The following SEC24B variants were observed in gnomAD, a reference collection of about 807,000 sequenced individuals.
SEC24B encodes protein transport protein Sec24B.
A neutral mutation model predicts 142.8 loss-of-function variants in SEC24B; 45 were observed. The observed-to-expected ratio is 0.32, with a 90% CI of 0.25 to 0.40. The LOEUF is 0.40. SEC24B is among the 10% of genes least tolerant of loss of function. The pLI is 1.00. For missense variants in SEC24B, 1,409 were observed against 1,526.8 expected (o/e 0.92, Z 1.29); for synonymous variants, 574 against 568.2 (o/e 1.01, Z -0.15).
chr4:109,537,369 A>G (rs1351236030), intron 22 of SEC24B, among the ~76,000 whole-genome samples: 1 of 152,234 alleles, frequency 6.6e-6, no homozygotes, highest in Admixed American at 6.5e-5. Context: ...GTTCTTTATG[A>G]CACGGTAAAT....
chr4:109,477,140 TAAAAAAAAAAAAAAA>T (rs759331468), intron 3 of SEC24B, among the ~76,000 whole-genome samples: 3 of 55,884 alleles, frequency 5.4e-5, no homozygotes, highest in African/African-American at 1.3e-4. Context: ...CCGTCTCAAA[TAAAAAAAAAAAAAAA>T]AAAAAAAAAA....
At chr4:109,513,248 A>G (rs1737562319) in intron 9 of SEC24B, among the ~76,000 whole-genome samples, 1 of 146,766 alleles carries the variant, frequency 6.8e-6, no homozygotes, top group South Asian at 2.2e-4. Context: ...TGCTGGGATT[A>G]TAGGTGTGAG....
chr4:109,510,714 T>A (rs2126046573), intron 8 of SEC24B, among the ~76,000 whole-genome samples: 1 of 152,366 alleles, frequency 6.6e-6, no homozygotes, highest in Middle Eastern at 3.4e-3. Context: ...CTTGTAAAGT[T>A]TTAAAAGTTT....
chr4:109,453,173 A>G (rs995675963), intron 1 of SEC24B, among the ~76,000 whole-genome samples: 13 of 152,222 alleles, frequency 8.5e-5, no homozygotes, highest in African/African-American at 3.1e-4. Flanking sequence ...AAGGGCAACA[A>G]AAGATCACAA....
chr4:109,535,575 G>A (rs1045200465), intron 22 of SEC24B, among the ~76,000 whole-genome samples: 11 of 150,534 alleles, frequency 7.3e-5, no homozygotes, highest in Middle Eastern at 3.6e-3. Flanking sequence ...GTGGCTGGGC[G>A]CGGTGGCTCA....
At chr4:109,511,627 G>A (rs1737340336) in intron 8 of SEC24B, among the ~76,000 whole-genome samples, 1 of 152,134 alleles carries the variant, frequency 6.6e-6, no homozygotes, top group African/African-American at 2.4e-5. Flanking sequence ...AGTACCACGT[G>A]CAGTCAACAA....
intron 1 of SEC24B, among the ~76,000 whole-genome samples, chr4:109,447,618 A>G (rs1291554954): frequency 6.6e-6 from 1 of 151,072 alleles, no homozygotes; most frequent in Non-Finnish European, 1.5e-5. Flanking sequence ...TATTGATCAA[A>G]TGTTGGCAGA....
rs1737638466 is a variant in SEC24B, at chr4:109,513,781, A to G, written c.1938A>G (p.Arg646=). The G allele has an allele frequency of 6.2e-7, 1 of 1,613,084 alleles. No homozygotes were observed. The highest frequency in any genetic ancestry group is 1.7e-5 in the Admixed American group (1 of 59,994). The change falls in exon 10 of 24, where the codon CGA becomes CGG. Residue 646 remains arginine (R), a synonymous_variant. Coordinates refer to ENST00000265175, the MANE Select transcript of SEC24B (RefSeq NM_006323.5). ...PEEFMYNPLT[R]SYGEPHKRPE... is the part of the protein sequence containing the mutation. Reference sequence around the variant, plus strand: ...AATTTATGTATAACCCCCTTACCCGATCTTATGGAGAGCCTCATAAACGAC... The same window carrying G: ...AATTTATGTATAACCCCCTTACCCGGTCTTATGGAGAGCCTCATAAACGAC...
chr4:109,528,447 A>G (rs1328729525), intron 18 of SEC24B, among the ~76,000 whole-genome samples: 1 of 149,860 alleles, frequency 6.7e-6, no homozygotes, highest in African/African-American at 2.5e-5. Context: ...AAAAAAAAAA[A>G]GCTACATACA....
Position 109,473,164 on chromosome 4 carries a change from A to T in SEC24B, c.1038A>T (p.Pro346=), listed in dbSNP as rs2125961645. ...PVEPVTSVTQ[P]SELLQQKGVQ... is the part of the protein sequence containing the mutation. ...AGCCTGTGACCTCAGTTACACAGCC[A>T]TCAGAGCTATTACAACAAAAAGGTA... is the stretch of plus-strand genomic sequence containing the variant. The change falls in exon 3 of 24, where the codon CCA becomes CCT. Residue 346 remains proline, a synonymous_variant. Coordinates refer to ENST00000265175, the MANE Select transcript of SEC24B (RefSeq NM_006323.5). 1 of 1,579,474 alleles carries T rather than the reference A, an allele frequency of 6.3e-7. No homozygotes were observed. The highest frequency in any genetic ancestry group is 2.3e-5 in the East Asian group (1 of 42,670).
chr4:109,476,913 G>A (rs970331171), intron 3 of SEC24B, among the ~76,000 whole-genome samples: 2 of 151,840 alleles, frequency 1.3e-5, no homozygotes, highest in African/African-American at 4.8e-5. Context: ...CGAGGCGGGC[G>A]GATCACGAGG....
chr4:109,446,716 G>A (rs572674072), intron 1 of SEC24B, among the ~76,000 whole-genome samples: 1 of 152,158 alleles, frequency 6.6e-6, no homozygotes, highest in Admixed American at 6.5e-5. Context: ...TTGTATTATG[G>A]TATAAATTAT....
rs1223287030 is a variant in SEC24B, at chr4:109,531,501, G to A, written c.3369G>A (p.Arg1123=). The part of the protein sequence containing the change: ...LMKMIHPNLY[R]IDRLTDEGAV... ...AAATGATTCATCCCAACTTATACAG[G>A]ATAGACAGATTGACAGATGAGGTAT... Residue 1123 remains arginine (R), a synonymous_variant, in exon 20 of 24, where the codon AGG becomes AGA. Coordinates refer to ENST00000265175, the MANE Select transcript of SEC24B (RefSeq NM_006323.5). 6.2e-7 allele frequency: 1 copy of A among 1,609,280 alleles called. No homozygotes were observed. Among genetic ancestry groups the A allele is most frequent in the South Asian group, 1.1e-5 (1 of 90,720 alleles).
intron 2 of SEC24B, among the ~76,000 whole-genome samples, chr4:109,468,831 G>A (rs915954466): frequency 6.6e-6 from 1 of 152,152 alleles, no homozygotes; most frequent in African/African-American, 2.4e-5. Context: ...GGTACTAATC[G>A]CTCCTAGTTT....
intron 1 of SEC24B, among the ~76,000 whole-genome samples, chr4:109,456,858 C>T (rs1179553040): frequency 6.6e-6 from 1 of 152,196 alleles, no homozygotes; most frequent in Non-Finnish European, 1.5e-5. Flanking sequence ...CTGAAGATAA[C>T]ATTTATACTT....
Position 109,532,755 on chromosome 4 carries a change from T to C in SEC24B, c.3495+12T>C. On this transcript the variant is annotated intron_variant, in intron 21 of 23. Coordinates refer to ENST00000265175, the MANE Select transcript of SEC24B (RefSeq NM_006323.5). ...TGGACTGTGGCTCTGTAAGCACCCT[T>C]TACTGGCAAAGCTTAACACTGTTTG... 7.6e-7 allele frequency: 1 copy of C among 1,313,762 alleles called. No homozygotes were observed. Among genetic ancestry groups the C allele is most frequent in the Non-Finnish European group, 1.1e-6 (1 of 906,270 alleles). The allele number at this position is 1,313,762 out of a possible 1,614,324, so 81.4% of individuals were successfully genotyped here. A position where few individuals can be genotyped will look rare whatever the true frequency, so the allele number is the denominator to read the frequency against.
At chr4:109,532,501 T>TATGAA in intron 20 of SEC24B, 138 bp from the exon 21 acceptor site, 1 of 636,738 alleles carries the variant, frequency 1.6e-6, no homozygotes, top group South Asian at 2.0e-5. Context: ...GGTGGTAGCA[T>TATGAA]ATAATCAGTA....
intron 6 of SEC24B, among the ~76,000 whole-genome samples, chr4:109,504,491 T>C (rs1736489939): frequency 6.6e-6 from 1 of 152,322 alleles, no homozygotes; most frequent in African/African-American, 2.4e-5. Flanking sequence ...AATTTAGCTG[T>C]TTGCTTCTTT....
intron 2 of SEC24B, among the ~76,000 whole-genome samples, chr4:109,464,310 G>A (rs1006425851): frequency 1.0e-5 from 1 of 97,692 alleles, no homozygotes; most frequent in Non-Finnish European, 2.1e-5. Flanking sequence ...TTTTTTTTTT[G>A]ACACAGGGTC....
Sources: allele counts gnomAD v4.1 joint callset (sites outside exome capture counted in the v4.1 genomes callset), GRCh38; gene constraint gnomAD v4.1.1; transcripts MANE v1.5; gene names NCBI Gene and HGNC (gene_info 2026-07-23, HGNC 2026-07-21).